LUZP2: variants seen among roughly 807,000 people sequenced by gnomAD.
LUZP2 encodes leucine zipper protein 2.
Under a neutral mutation model 51.6 loss-of-function variants are expected in LUZP2, and 52 were observed. The ratio of observed to expected loss-of-function variants is 1.01; its 90% CI spans 0.81 to 1.27. The LOEUF (loss-of-function observed/expected upper bound fraction) is 1.27, where lower values mean the gene tolerates loss of function less well. LUZP2 is among the 50% of genes most tolerant of loss of function. LUZP2 has a pLI of 0.00. For synonymous variants in LUZP2, 154 were observed against 137.3 expected (o/e 1.12, Z -0.85); for missense variants, 436 against 395.4 (o/e 1.10, Z -0.87).
At chr11:25,057,183 A>G (rs1858714468) in intron 10 of LUZP2, among the ~76,000 whole-genome samples, 1 of 152,184 alleles carries the variant, frequency 6.6e-6, no homozygotes, top group Non-Finnish European at 1.5e-5. Flanking sequence ...GCTCCTTTTA[A>G]GAAGCAGCTC....
intron 5 of LUZP2, among the ~76,000 whole-genome samples, chr11:24,839,038 A>G (rs931043437): frequency 3.3e-5 from 5 of 151,594 alleles, no homozygotes; most frequent in African/African-American, 1.2e-4. Flanking sequence ...GCCATATGAG[A>G]TGGTTATAAT....
At chr11:24,677,088 C>T (rs915916063) in intron 1 of LUZP2, among the ~76,000 whole-genome samples, 1 of 150,882 alleles carries the variant, frequency 6.6e-6, no homozygotes, top group African/African-American at 2.4e-5. Context: ...ACCTTTTCTG[C>T]CTCCTAATGT....
chr11:25,048,164 C>G (rs185947962), intron 9 of LUZP2, among the ~76,000 whole-genome samples: 1 of 152,222 alleles, frequency 6.6e-6, no homozygotes, highest in Admixed American at 6.5e-5. Flanking sequence ...TTGGGATCTC[C>G]TCTCTACTTT....
At chr11:24,531,480 G>T (rs1850998112) in intron 1 of LUZP2, among the ~76,000 whole-genome samples, 1 of 150,680 alleles carries the variant, frequency 6.6e-6, no homozygotes, top group Non-Finnish European at 1.5e-5. Flanking sequence ...TAAATAAATT[G>T]TTGTTTATCA....
intron 5 of LUZP2, among the ~76,000 whole-genome samples, chr11:24,871,913 G>A (rs752289253): frequency 2.0e-5 from 3 of 152,184 alleles, no homozygotes; most frequent in Non-Finnish European, 2.9e-5. Context: ...AGTGATGTCT[G>A]CATAAGATTA....
chr11:25,010,115 A>G (rs1280991823), intron 9 of LUZP2, among the ~76,000 whole-genome samples: 2 of 152,234 alleles, frequency 1.3e-5, no homozygotes, highest in Non-Finnish European at 2.9e-5. Flanking sequence ...TTTTAAAACT[A>G]TCAGGCAGTC....
At chr11:25,023,967 G>A (rs1857413115) in intron 9 of LUZP2, among the ~76,000 whole-genome samples, 1 of 152,126 alleles carries the variant, frequency 6.6e-6, no homozygotes, top group Non-Finnish European at 1.5e-5. Context: ...TTAATCCTGA[G>A]TTCTAGTTTG....
intron 7 of LUZP2, among the ~76,000 whole-genome samples, chr11:24,917,693 T>C (rs1293294309): frequency 6.6e-6 from 1 of 151,538 alleles, no homozygotes; most frequent in East Asian, 1.9e-4. Context: ...CATTGGTCTA[T>C]ATCTCTGTTT....
At chr11:24,997,959 G>A (rs754486523) in intron 9 of LUZP2, among the ~76,000 whole-genome samples, 2 of 152,138 alleles carry the variant, frequency 1.3e-5, no homozygotes, top group South Asian at 2.1e-4. Context: ...TGAGGGCTCT[G>A]TTCTGTTCCA....
chr11:24,588,953 C>G (rs1169352227), intron 1 of LUZP2, among the ~76,000 whole-genome samples: 2 of 152,116 alleles, frequency 1.3e-5, no homozygotes, highest in Non-Finnish European at 2.9e-5. Context: ...AGCTAAGGTT[C>G]AAGTAGCAAA....
chr11:24,940,360 C>G (rs1347625444), intron 7 of LUZP2, among the ~76,000 whole-genome samples: 2 of 152,084 alleles, frequency 1.3e-5, no homozygotes, highest in Non-Finnish European at 1.5e-5. Flanking sequence ...ATATTTTAGA[C>G]ACTCATTAAG....
chr11:24,645,454 A>G (rs1466245640), intron 1 of LUZP2, among the ~76,000 whole-genome samples: 2 of 152,160 alleles, frequency 1.3e-5, no homozygotes, highest in African/African-American at 2.4e-5. Context: ...ATAGATTGGC[A>G]TCAGTTTCTT....
chr11:24,765,150 T>G (rs182021676), intron 5 of LUZP2, among the ~76,000 whole-genome samples: 54 of 152,330 alleles, frequency 3.5e-4, no homozygotes, highest in African/African-American at 1.3e-3. Context: ...TATCAAATTA[T>G]TTAATTTTTA....
chr11:24,501,703 T>C (rs1849997378), intron 1 of LUZP2, among the ~76,000 whole-genome samples: 1 of 152,148 alleles, frequency 6.6e-6, no homozygotes, highest in Non-Finnish European at 1.5e-5. Flanking sequence ...TATCATGCAG[T>C]AAGAATGTGC....
chr11:24,940,695 AGACAATTTTACTTTCTTTT>A (rs1469883534), intron 7 of LUZP2, among the ~76,000 whole-genome samples: 2 of 152,196 alleles, frequency 1.3e-5, no homozygotes, highest in African/African-American at 2.4e-5. Context: ...CAAACAAAAG[AGACAATTTTACTTTCTTTT>A]GATCTTAATA....
At chr11:24,923,339 A>T (rs1013612710) in intron 7 of LUZP2, among the ~76,000 whole-genome samples, 1 of 152,118 alleles carries the variant, frequency 6.6e-6, no homozygotes, top group Non-Finnish European at 1.5e-5. Context: ...CAAAGGAAAA[A>T]GTCAAACTTG....
At chr11:24,892,836 C>T (rs1263153897) in intron 5 of LUZP2, 1 of 152,064 alleles carries the variant, frequency 6.6e-6, no homozygotes, top group African/African-American at 2.4e-5. Flanking sequence ...AAAGAGATGA[C>T]AGGTTAATGA....
At position 25,080,972 on chromosome 11, in the gene LUZP2, A is replaced by G. The variant is rs947454939; in HGVS notation, c.*2314A>G. The G allele has an allele frequency of 6.7e-6, 1 of 149,856 alleles. No individual in the cohort carries two copies. The highest frequency in any genetic ancestry group is 1.5e-5 in the Non-Finnish European group (1 of 67,558). The allele number at this position is 149,856 out of a possible 1,614,324, so 9.3% of individuals were successfully genotyped here. On this transcript the variant is annotated 3_prime_UTR_variant, in exon 12 of 12. Coordinates refer to ENST00000336930, the MANE Select transcript of LUZP2 (RefSeq NM_001009909.4). ...TTTTAAAGTTGTTTTTGTTCTGTATATTCTAAATTCCTTTTATTAATTCCT... is the reference window on the plus strand; with the variant it reads ...TTTTAAAGTTGTTTTTGTTCTGTATGTTCTAAATTCCTTTTATTAATTCCT...
intron 7 of LUZP2, among the ~76,000 whole-genome samples, chr11:24,942,663 A>G (rs192644065): frequency 2.0e-3 from 302 of 152,136 alleles, no homozygotes; most frequent in Non-Finnish European, 2.5e-3. Context: ...TTTTTTGCCA[A>G]TGTGTGGCTT....
Sources: gnomAD v4.1 joint callset for allele counts (sites outside exome capture counted in the v4.1 genomes callset) on GRCh38, gnomAD v4.1.1 for gene constraint, MANE v1.5 for transcripts, NCBI Gene and HGNC (gene_info 2026-07-23, HGNC 2026-07-21) for gene names.